KIF26B: variants seen among roughly 807,000 people sequenced by gnomAD.
KIF26B encodes the protein kinesin-like protein KIF26B.
Under a neutral mutation model 151.2 loss-of-function variants are expected in KIF26B, and 63 were observed. The observed-to-expected ratio is 0.42, with a 90% CI of 0.34 to 0.51. The LOEUF (loss-of-function observed/expected upper bound fraction) is 0.51, where lower values mean the gene tolerates loss of function less well. Among genes scored for constraint, KIF26B ranks in the 20% least tolerant of loss-of-function variants. The pLI is 0.07. For missense variants in KIF26B, 2,813 were observed against 2,913.6 expected, an observed-to-expected ratio of 0.97 and a Z score of 0.79; for synonymous variants, 1,357 against 1,262.1, an observed-to-expected ratio of 1.08 and a Z score of -1.59.
intron 3 of KIF26B, among the ~76,000 whole-genome samples, chr1:245,388,860 T>A (rs1002900826): frequency 3.3e-5 from 5 of 152,144 alleles, no homozygotes; most frequent in African/African-American, 9.7e-5. Context: ...AAAGTCAGGG[T>A]GAGATTTGAA....
At chr1:245,263,200 A>T (rs1472679809) in intron 2 of KIF26B, among the ~76,000 whole-genome samples, 2 of 152,138 alleles carry the variant, frequency 1.3e-5, no homozygotes, top group Admixed American at 1.3e-4. Flanking sequence ...TGGATTGCTG[A>T]TGCCTTCTGC....
chr1:245,620,395 C>A lies in KIF26B; in HGVS notation c.2098+8419C>A, dbSNP rs892546296. On this transcript the variant is annotated intron_variant, in intron 9 of 14. Transcript: ENST00000407071. ...TCCTCATTCACACAAAATTCAACAT[C>A]GTTAAAAAAAATTTTTTTTTTTGAG... Among the ~76,000 whole-genome samples the A allele has an allele frequency of 2.1e-5, 3 of 145,470 alleles. No individual in the cohort carries two copies. The East Asian group carries it at 6.7e-4, about 33-fold the overall frequency.
chr1:245,490,819 G>C (rs1249006197), intron 4 of KIF26B, among the ~76,000 whole-genome samples: 1 of 152,182 alleles, frequency 6.6e-6, no homozygotes, highest in Non-Finnish European at 1.5e-5. Flanking sequence ...GAATACCTGA[G>C]AACGGTTCTC....
At chr1:245,391,213 A>G (rs1489009504) in intron 3 of KIF26B, among the ~76,000 whole-genome samples, 3 of 152,184 alleles carry the variant, frequency 2.0e-5, no homozygotes, top group Non-Finnish European at 4.4e-5. Flanking sequence ...TACAAAGTAC[A>G]AGGTAGCCTA....
At chr1:245,260,523 A>G (rs1178156804) in intron 2 of KIF26B, among the ~76,000 whole-genome samples, 1 of 152,248 alleles carries the variant, frequency 6.6e-6, no homozygotes, top group Non-Finnish European at 1.5e-5. Flanking sequence ...TTGACATTTT[A>G]TAAATAGAAC....
chr1:245,325,094 C>CAAAAAAAA (rs57433161), intron 2 of KIF26B, among the ~76,000 whole-genome samples: 10 of 96,512 alleles, frequency 1.0e-4, no homozygotes, highest in East Asian at 5.6e-4. Context: ...GACCTTGTCT[C>CAAAAAAAA]AAAAAAAAAA....
intron 5 of KIF26B, among the ~76,000 whole-genome samples, chr1:245,570,095 C>A (rs1032520147): frequency 2.0e-5 from 3 of 151,450 alleles, no homozygotes; most frequent in Non-Finnish European, 1.5e-5. Flanking sequence ...GCCACCACAC[C>A]CGGCTAATTT....
intron 3 of KIF26B, among the ~76,000 whole-genome samples, chr1:245,407,217 C>T (rs986746459): frequency 4.6e-5 from 7 of 152,136 alleles, no homozygotes; most frequent in African/African-American, 1.7e-4. Context: ...AACTCATGCC[C>T]GGTATGGGGA....
intron 5 of KIF26B, among the ~76,000 whole-genome samples, chr1:245,559,351 T>G (rs1305600800): frequency 2.0e-5 from 3 of 152,100 alleles, no homozygotes; most frequent in African/African-American, 7.2e-5. Flanking sequence ...AAATAGAATA[T>G]TAATTAATTA....
intron 2 of KIF26B, among the ~76,000 whole-genome samples, chr1:245,343,678 C>T (rs1051809423): frequency 6.6e-6 from 1 of 152,272 alleles, no homozygotes; most frequent in Middle Eastern, 3.4e-3. Context: ...TTATTCTTGT[C>T]AGTGCTTGAC....
Position 245,155,099 on chromosome 1 carries a change from A to G in KIF26B, c.-326A>G. 3 of 495,282 alleles carry G rather than the reference A, an allele frequency of 6.1e-6. No homozygotes were observed. Among genetic ancestry groups the G allele is most frequent in the South Asian group, 3.6e-5 (1 of 27,556 alleles). The allele number at this position is 495,282 out of a possible 1,614,324, so 30.7% of individuals were successfully genotyped here. A position where few individuals can be genotyped will look rare whatever the true frequency, so the allele number is the denominator to read the frequency against. ...GTATCCCTCGCTTTCCTCGTGGGGG[A>G]GCACGGACTGACTTGGCTGAAGAAA... On this transcript the variant is annotated 5_prime_UTR_variant, in exon 1 of 15. Coordinates refer to ENST00000407071, the MANE Select transcript of KIF26B (RefSeq NM_018012.4).
chr1:245,413,773 A>T (rs1350749491), intron 3 of KIF26B, among the ~76,000 whole-genome samples: 1 of 152,204 alleles, frequency 6.6e-6, no homozygotes, highest in South Asian at 2.1e-4. Flanking sequence ...AGGGGCTCTG[A>T]GGGCAGCCTC....
At chr1:245,664,792 C>G (rs2044195458) in intron 10 of KIF26B, among the ~76,000 whole-genome samples, 1 of 152,044 alleles carries the variant, frequency 6.6e-6, no homozygotes, top group Non-Finnish European at 1.5e-5. Flanking sequence ...CTTCTAATAC[C>G]ACTTCAGTAG....
intron 4 of KIF26B, among the ~76,000 whole-genome samples, chr1:245,536,816 T>C (rs539048834): frequency 6.6e-6 from 1 of 152,336 alleles, no homozygotes; most frequent in Admixed American, 6.5e-5. Flanking sequence ...TCTTTTCCAC[T>C]TGACCCTCTC....
chr1:245,559,958 G>A (rs796924789), intron 5 of KIF26B, among the ~76,000 whole-genome samples: 77 of 151,534 alleles, frequency 5.1e-4, no homozygotes, highest in African/African-American at 1.7e-3. Flanking sequence ...TGTTACCGAC[G>A]TGCCTCCCGT....
chr1:245,220,320 T>C (rs1250319015), intron 2 of KIF26B, among the ~76,000 whole-genome samples: 2 of 152,196 alleles, frequency 1.3e-5, no homozygotes, highest in East Asian at 1.9e-4. Context: ...ACAGTAACCC[T>C]GTGGGCTTTT....
At position 245,495,088 on chromosome 1, in the gene KIF26B, T is replaced by C. The variant is rs557094915; in HGVS notation, c.1167-45679T>C. 6.6e-6 allele frequency among the ~76,000 whole-genome samples: 1 copy of C among 151,968 alleles called. No homozygotes were observed. The highest frequency in any genetic ancestry group is 1.5e-5 in the Non-Finnish European group (1 of 67,992). On this transcript the variant is annotated intron_variant, in intron 4 of 14. Transcript: ENST00000407071. The surrounding 1 kb of genome is among the most constrained non-coding windows in gnomAD (Gnocchi z 4.2). ...AAAAGAAAGAGGAAATTCTGGAACT[T>C]AAAAAATGAAATAATGGATATTAAG... is the stretch of plus-strand genomic sequence containing the variant.
At chr1:245,283,868 A>G (rs1671114026) in intron 2 of KIF26B, among the ~76,000 whole-genome samples, 1 of 152,146 alleles carries the variant, frequency 6.6e-6, no homozygotes, top group Non-Finnish European at 1.5e-5. Context: ...TTGTATTATT[A>G]GTAGAGACTG....
chr1:245,389,448 C>A (rs765395341), intron 3 of KIF26B, among the ~76,000 whole-genome samples: 72 of 152,080 alleles, frequency 4.7e-4, no homozygotes, highest in Non-Finnish European at 4.7e-4. Flanking sequence ...TACACACACT[C>A]ACATGTGCAT....
Sources: allele counts gnomAD v4.1 joint callset (sites outside exome capture counted in the v4.1 genomes callset), GRCh38; gene constraint gnomAD v4.1.1; non-coding constraint Gnocchi (gnomAD v3.1); transcripts MANE v1.5; gene names NCBI Gene and HGNC (gene_info 2026-07-23, HGNC 2026-07-21).